The following PCDHA12 variants were observed in gnomAD, a reference collection of about 807,000 sequenced individuals.
PCDHA12 encodes the protein protocadherin alpha 12.
A neutral mutation model predicts 60.0 loss-of-function variants in PCDHA12; 44 were observed. The observed-to-expected ratio is 0.73, with a 90% confidence interval of 0.58 to 0.94. The LOEUF is 0.94. PCDHA12 is among the 40% of genes least tolerant of loss of function. PCDHA12 has a pLI of 0.00. For synonymous variants in PCDHA12, 569 were observed against 553.0 expected (o/e 1.03, Z -0.40); for missense variants, 1,276 against 1,239.7 (o/e 1.03, Z -0.44).
intron 1 of PCDHA12, among the ~76,000 whole-genome samples, chr5:140,942,794 A>C (rs782783696): frequency 2.6e-4 from 39 of 152,326 alleles, no homozygotes; most frequent in Middle Eastern, 3.4e-3. Flanking sequence ...TTACAAAGGC[A>C]TGTTTTCCAC....
At chr5:140,940,028 G>T (rs782276273) in intron 1 of PCDHA12, among the ~76,000 whole-genome samples, 1 of 152,048 alleles carries the variant, frequency 6.6e-6, no homozygotes, top group African/African-American at 2.4e-5. Context: ...ATGTTTTAAG[G>T]CTATTTTATT....
Position 140,958,548 on chromosome 5 carries a change from A to G in PCDHA12, c.2368-20401A>G, listed in dbSNP as rs185504563. The stretch of plus-strand genomic sequence containing the variant: ...TATGTGTACATTGATTTATGAACCA[A>G]TAAATGTTTCATACACAGTTGAGAT... On this transcript the variant is annotated intron_variant, in intron 1 of 3. Transcript: ENST00000398631. Among the ~76,000 whole-genome samples the G allele has an allele frequency of 5.4e-3, 828 of 152,296 alleles. 8 individuals are homozygous for G. Among genetic ancestry groups the G allele is most frequent in the South Asian group, 1.0e-2 (48 of 4,822 alleles).
At chr5:140,968,921 T>C (rs111394602) in intron 1 of PCDHA12, 34 of 1,614,098 alleles carry the variant, frequency 2.1e-5, no homozygotes, top group Non-Finnish European at 2.6e-5. Context: ...GTCTTTTATA[T>C]TTCTTTTGAC....
rs1479938988 is a variant in PCDHA12 at position 140,876,015 on chromosome 5, A to G, written c.543A>G (p.Lys181=). Residue 181 remains lysine, a synonymous_variant, in exon 1 of 4, where the codon AAA becomes AAG. Transcript: ENST00000398631. The part of the protein sequence containing the change: ...ALSLNENFEL[K]IKTKKDKSIL... ...GTCTAAATGAGAATTTTGAGCTTAAAATAAAAACAAAAAAAGATAAAAGTA... is the reference window on the plus strand; with the variant it reads ...GTCTAAATGAGAATTTTGAGCTTAAGATAAAAACAAAAAAAGATAAAAGTA... 1.9e-6 allele frequency: 3 copies of G among 1,613,662 alleles called. No homozygotes were observed. Among genetic ancestry groups the G allele is most frequent in the Non-Finnish European group, 2.5e-6 (3 of 1,179,854 alleles).
At chr5:140,979,399 G>T (rs1352440599) in intron 2 of PCDHA12, among the ~76,000 whole-genome samples, 1 of 151,708 alleles carries the variant, frequency 6.6e-6, no homozygotes. Flanking sequence ...CATACATGTT[G>T]TCTACCTTGT....
chr5:140,967,453 C>A (rs782630345), intron 1 of PCDHA12: 1 of 1,613,556 alleles, frequency 6.2e-7, no homozygotes, highest in Non-Finnish European at 8.5e-7. Context: ...TTCTCACAGC[C>A]GTGGATGGGG....
At chr5:140,914,339 C>T (rs1554196289) in intron 1 of PCDHA12, among the ~76,000 whole-genome samples, 1 of 152,130 alleles carries the variant, frequency 6.6e-6, no homozygotes, top group East Asian at 1.9e-4. Flanking sequence ...CCTTCTTTGT[C>T]TCTTTTTGGA....
At chr5:140,890,112 T>C (rs2062493777) in intron 1 of PCDHA12, among the ~76,000 whole-genome samples, 1 of 152,184 alleles carries the variant, frequency 6.6e-6, no homozygotes, top group Non-Finnish European at 1.5e-5. Flanking sequence ...CTGGATTCAA[T>C]GATGTCACTT....
intron 1 of PCDHA12, among the ~76,000 whole-genome samples, chr5:140,900,339 G>A (rs1019458960): frequency 7.2e-5 from 11 of 151,812 alleles, no homozygotes; most frequent in East Asian, 2.0e-4. Context: ...GTACCGTGGC[G>A]CAATCTTGGC....
At chr5:140,954,618 G>C (rs1312581802) in intron 1 of PCDHA12, among the ~76,000 whole-genome samples, 3 of 152,078 alleles carry the variant, frequency 2.0e-5, no homozygotes, top group Non-Finnish European at 2.9e-5. Flanking sequence ...TAATGGGCTT[G>C]TTTGGGTTTT....
chr5:140,996,701 A>G (rs782320896), intron 3 of PCDHA12, among the ~76,000 whole-genome samples: 2 of 152,130 alleles, frequency 1.3e-5, no homozygotes, highest in Non-Finnish European at 2.9e-5. Flanking sequence ...CTGAACCTCT[A>G]TCTCTTTGAT....
rs1281346113 is a variant in PCDHA12, at chr5:140,876,545, C to T, written c.1073C>T (p.Pro358Leu). The change falls in exon 1 of 4, where the codon CCT becomes CTT. Residue 358 changes from proline to leucine, a missense_variant. Transcript: ENST00000398631. ...GTAATGGTTACTTCACTGTCGCTCC[C>T]TGTGCAAGAGGATGCTCAGGTGGGT... ...PEVMVTSLSLPVQEDAQVGTV... is the reference protein window; with the variant it reads ...PEVMVTSLSLLVQEDAQVGTV... The T allele has an allele frequency of 6.2e-7, 1 of 1,614,082 alleles. No homozygotes were observed. Among genetic ancestry groups the T allele is most frequent in the Non-Finnish European group, 8.5e-7 (1 of 1,180,052 alleles).
At chr5:140,892,811 T>C (rs1554185379) in intron 1 of PCDHA12, among the ~76,000 whole-genome samples, 1 of 152,210 alleles carries the variant, frequency 6.6e-6, no homozygotes, top group Non-Finnish European at 1.5e-5. Context: ...TAACCATATT[T>C]ATCCTACAGT....
chr5:140,961,915 G>T (rs1393178053), intron 1 of PCDHA12, among the ~76,000 whole-genome samples: 4 of 146,912 alleles, frequency 2.7e-5, no homozygotes, highest in Non-Finnish European at 4.5e-5. Context: ...ATGGAGTCTC[G>T]CTCTGTTGCC....
rs781902185 is a variant in PCDHA12, at chr5:140,875,441, T to C, written c.-32T>C. The C allele has an allele frequency of 6.4e-7, 1 of 1,570,886 alleles. No homozygotes were observed. Among genetic ancestry groups the C allele is most frequent in the Admixed American group, 1.9e-5 (1 of 52,546 alleles). ...CAGGCAAGCGATCCCTTAAAACTGA[T>C]TGTCCCAACTCAGAGGCCCTCATTT... On this transcript the variant is annotated 5_prime_UTR_variant, in exon 1 of 4. Coordinates refer to ENST00000398631, the MANE Select transcript of PCDHA12 (RefSeq NM_018903.4).
chr5:140,948,107 C>T (rs1156492592), intron 1 of PCDHA12, among the ~76,000 whole-genome samples: 3 of 151,432 alleles, frequency 2.0e-5, no homozygotes, highest in Middle Eastern at 3.2e-3. Flanking sequence ...GATTTTTCTT[C>T]GTTTTACTAA....
At chr5:140,942,916 A>G (rs2093393160) in intron 1 of PCDHA12, among the ~76,000 whole-genome samples, 1 of 152,158 alleles carries the variant, frequency 6.6e-6, no homozygotes, top group Non-Finnish European at 1.5e-5. Context: ...GCGTGAAGAA[A>G]AAAAAAATTG....
rs2097783097 is a variant in PCDHA12, at chr5:140,997,727, C to T, written c.2516-11900C>T. Reference sequence around the variant, plus strand: ...TAACAAACACCTTTCTACGTCAGTACATATAGATTTGCCACAATCTTCTTG... The same window carrying T: ...TAACAAACACCTTTCTACGTCAGTATATATAGATTTGCCACAATCTTCTTG... On this transcript the variant is annotated intron_variant, in intron 3 of 3. Coordinates refer to ENST00000398631, the MANE Select transcript of PCDHA12 (RefSeq NM_018903.4). Among the ~76,000 whole-genome samples the T allele has an allele frequency of 2.0e-5, 3 of 151,244 alleles. No individual in the cohort carries two copies. In the South Asian group the frequency reaches 6.3e-4, roughly 32 times the overall value.
chr5:140,992,463 C>T (rs1416840803), intron 3 of PCDHA12, among the ~76,000 whole-genome samples: 1 of 152,162 alleles, frequency 6.6e-6, no homozygotes, highest in Non-Finnish European at 1.5e-5. Flanking sequence ...GAGGACAGTA[C>T]TCTTTAGATC....
Sources: gnomAD v4.1 joint callset for allele counts (sites outside exome capture counted in the v4.1 genomes callset) on GRCh38, gnomAD v4.1.1 for gene constraint, MANE v1.5 for transcripts, NCBI Gene and HGNC (gene_info 2026-07-23, HGNC 2026-07-21) for gene names.